GPC5: variants seen among roughly 807,000 people sequenced by gnomAD.
The protein encoded by GPC5 is glypican 5, also known as glypican-5.
GPC5 carries 47 observed loss-of-function variants against 53.9 expected under a neutral mutation model. The ratio of observed to expected loss-of-function variants is 0.87; its 90% CI spans 0.69 to 1.11. The LOEUF is 1.11. Ranked by LOEUF, GPC5 falls within the 50% of genes most tolerant of loss-of-function variation. The pLI is 0.00. For missense variants in GPC5, 748 were observed against 713.1 expected, an observed-to-expected ratio of 1.05 and a Z score of -0.56; for synonymous variants, 286 against 263.3, an observed-to-expected ratio of 1.09 and a Z score of -0.84.
At chr13:91,456,932 T>C (rs1219633237) in intron 2 of GPC5, among the ~76,000 whole-genome samples, 1 of 151,868 alleles carries the variant, frequency 6.6e-6, no homozygotes, top group Non-Finnish European at 1.5e-5. Flanking sequence ...ATATTGAAAG[T>C]AGGGTATTTC....
intron 7 of GPC5, among the ~76,000 whole-genome samples, chr13:92,514,903 C>G (rs1158486421): frequency 2.0e-5 from 3 of 152,184 alleles, no homozygotes. Context: ...ATGGCAACCA[C>G]TTATTTCATG....
chr13:91,462,041 AG>A (rs770229776), intron 2 of GPC5, among the ~76,000 whole-genome samples: 3 of 152,176 alleles, frequency 2.0e-5, no homozygotes, highest in Non-Finnish European at 2.9e-5. Flanking sequence ...GATTGTATTA[AG>A]TGGTATTAAA....
chr13:92,235,742 T>A (rs763330331), intron 7 of GPC5, among the ~76,000 whole-genome samples: 10 of 152,112 alleles, frequency 6.6e-5, no homozygotes, highest in Non-Finnish European at 1.2e-4. Flanking sequence ...CAGGGACCTT[T>A]TTCATGTTGC....
intron 7 of GPC5, among the ~76,000 whole-genome samples, chr13:92,778,452 TTAAGAGTAAGTA>T (rs779959582): frequency 2.0e-5 from 3 of 152,184 alleles, no homozygotes; most frequent in Non-Finnish European, 4.4e-5. Context: ...CTTGTCTTTA[TTAAGAGTAAGTA>T]TAAAACAAAA....
At chr13:92,605,685 G>A (rs1427644183) in intron 7 of GPC5, among the ~76,000 whole-genome samples, 1 of 150,480 alleles carries the variant, frequency 6.6e-6, no homozygotes, top group Non-Finnish European at 1.5e-5. Context: ...CGCTTCCCGG[G>A]TTCACGCCAT....
At chr13:91,928,313 A>G (rs907794671) in intron 6 of GPC5, among the ~76,000 whole-genome samples, 6 of 152,184 alleles carry the variant, frequency 3.9e-5, no homozygotes, top group African/African-American at 1.4e-4. Context: ...CTGCTCTCAC[A>G]TAGATTCAAT....
intron 7 of GPC5, among the ~76,000 whole-genome samples, chr13:92,748,705 A>C (rs1889303999): frequency 6.6e-6 from 1 of 152,034 alleles, no homozygotes; most frequent in African/African-American, 2.4e-5. Context: ...AAATATAAAG[A>C]GCTTACTTTG....
intron 7 of GPC5, among the ~76,000 whole-genome samples, chr13:92,274,352 C>T (rs2042860520): frequency 6.6e-6 from 1 of 152,112 alleles, no homozygotes; most frequent in Non-Finnish European, 1.5e-5. Context: ...TTCTCACCTT[C>T]TCACCTCTGT....
At chr13:92,745,220 C>A (rs1375172232) in intron 7 of GPC5, among the ~76,000 whole-genome samples, 1 of 151,904 alleles carries the variant, frequency 6.6e-6, no homozygotes, top group African/African-American at 2.4e-5. Context: ...CAATTTGGGT[C>A]TTTTTACTTT....
intron 7 of GPC5, among the ~76,000 whole-genome samples, chr13:92,718,568 AG>A (rs1888405739): frequency 6.6e-6 from 1 of 152,048 alleles, no homozygotes; most frequent in African/African-American, 2.4e-5. Context: ...AGTGGGGCAA[AG>A]GGGTGGAGTC....
intron 2 of GPC5, among the ~76,000 whole-genome samples, chr13:91,636,870 A>G (rs2034298428): frequency 6.6e-6 from 1 of 152,162 alleles, no homozygotes; most frequent in African/African-American, 2.4e-5. Context: ...AGATAGGAGC[A>G]TTGCTCGAGT....
chr13:92,576,990 T>C (rs1484625008), intron 7 of GPC5, among the ~76,000 whole-genome samples: 2 of 152,178 alleles, frequency 1.3e-5, no homozygotes, highest in African/African-American at 4.8e-5. Context: ...AGTGATGTAA[T>C]CTTCAAGATA....
intron 6 of GPC5, among the ~76,000 whole-genome samples, chr13:91,970,327 C>A (rs934720121): frequency 6.6e-6 from 1 of 151,752 alleles, no homozygotes; most frequent in Non-Finnish European, 1.5e-5. Context: ...AAGATACAAA[C>A]CCTCAGTTAT....
chr13:92,034,930 C>T (rs1468513561), intron 6 of GPC5, among the ~76,000 whole-genome samples: 1 of 151,924 alleles, frequency 6.6e-6, no homozygotes, highest in Non-Finnish European at 1.5e-5. Context: ...TAAAAGAGGC[C>T]CACTTAGCTG....
At chr13:91,678,852 G>C (rs1358621067) in intron 2 of GPC5, among the ~76,000 whole-genome samples, 1 of 151,776 alleles carries the variant, frequency 6.6e-6, no homozygotes, top group Non-Finnish European at 1.5e-5. Context: ...CATTTTGGTT[G>C]AGAATGCCAT....
rs754044760 is a variant in GPC5 at position 91,408,176 on chromosome 13, AT to A, written c.163+8968del. Among the ~76,000 whole-genome samples, 3 of 152,126 alleles carry A rather than the reference AT, an allele frequency of 2.0e-5. No individual in the cohort carries two copies. In the East Asian group the frequency reaches 5.8e-4, roughly 29 times the overall value. ...ATTTATTCTTTTCATCTATCTGTAA[AT>A]ATGTGTCCCTTGATCAACATCTTTC... On this transcript the variant is annotated intron_variant, in intron 1 of 7. Coordinates refer to ENST00000377067, the MANE Select transcript of GPC5 (RefSeq NM_004466.6).
intron 7 of GPC5, among the ~76,000 whole-genome samples, chr13:92,555,580 G>C (rs565454788): frequency 1.3e-5 from 2 of 150,288 alleles, no homozygotes; most frequent in Admixed American, 6.7e-5. Context: ...AATGTCCTCT[G>C]TTTATACAAA....
intron 4 of GPC5, among the ~76,000 whole-genome samples, chr13:91,745,557 A>T (rs2037030535): frequency 6.6e-6 from 1 of 152,092 alleles, no homozygotes; most frequent in Admixed American, 6.6e-5. Context: ...ATAAAGGGGA[A>T]TCATGTCATG....
chr13:91,590,535 A>G (rs1358701435), intron 2 of GPC5, among the ~76,000 whole-genome samples: 1 of 152,160 alleles, frequency 6.6e-6, no homozygotes, highest in East Asian at 1.9e-4. Context: ...CCCTTTACCC[A>G]GAAATAAATT....
Sources: allele counts gnomAD v4.1 joint callset (sites outside exome capture counted in the v4.1 genomes callset), GRCh38; gene constraint gnomAD v4.1.1; transcripts MANE v1.5; gene names NCBI Gene and HGNC (gene_info 2026-07-23, HGNC 2026-07-21).